Variants in SLC35F3 observed in about 807,000 individuals in gnomAD.
SLC35F3 encodes solute carrier family 35 member F3, also known as putative thiamine transporter SLC35F3.
A neutral mutation model predicts 49.9 loss-of-function variants in SLC35F3; 25 were observed. That is an observed-to-expected ratio of 0.50 (90% confidence interval 0.37 to 0.70). SLC35F3 has a LOEUF of 0.70. Among genes scored for constraint, SLC35F3 ranks in the 30% least tolerant of loss-of-function variants. The probability of loss-of-function intolerance (pLI) is 0.00; values close to 1 mark genes in which losing one functional copy is unlikely to be tolerated. For missense variants in SLC35F3, 525 were observed against 639.8 expected, an observed-to-expected ratio of 0.82 and a Z score of 1.94; for synonymous variants, 275 against 265.4, an observed-to-expected ratio of 1.04 and a Z score of -0.35.
At chr1:234,207,588 A>T (rs988959355) in intron 2 of SLC35F3, among the ~76,000 whole-genome samples, 3 of 151,504 alleles carry the variant, frequency 2.0e-5, no homozygotes, top group Admixed American at 6.6e-5. Context: ...GGCTAACAAG[A>T]CCTAGGAGAT....
chr1:233,971,820 G>A (rs1283777058), intron 2 of SLC35F3, among the ~76,000 whole-genome samples: 2 of 152,074 alleles, frequency 1.3e-5, no homozygotes, highest in African/African-American at 2.4e-5. Flanking sequence ...GCTGGGCATC[G>A]ACTGCATGAG....
At chr1:233,944,478 G>C (rs1662481114) in intron 2 of SLC35F3, among the ~76,000 whole-genome samples, 1 of 152,076 alleles carries the variant, frequency 6.6e-6, no homozygotes, top group South Asian at 2.1e-4. Context: ...TTTAGTTTTA[G>C]TTTCTGGGTC....
At chr1:234,022,513 A>C (rs1002033666) in intron 2 of SLC35F3, among the ~76,000 whole-genome samples, 15 of 152,144 alleles carry the variant, frequency 9.9e-5, no homozygotes, top group Non-Finnish European at 2.2e-4. Flanking sequence ...AGGCCCACCC[A>C]CATTATGGAA....
chr1:234,312,832 TTTG>T (rs1249141225), intron 4 of SLC35F3, among the ~76,000 whole-genome samples: 2 of 150,806 alleles, frequency 1.3e-5, no homozygotes, highest in African/African-American at 4.9e-5. Context: ...CCCGCCACGT[TTTG>T]TTGTTTGTTT....
intron 2 of SLC35F3, among the ~76,000 whole-genome samples, chr1:233,965,064 A>G (rs1425968461): frequency 2.0e-5 from 3 of 152,206 alleles, no homozygotes; most frequent in Non-Finnish European, 4.4e-5. Flanking sequence ...ATACAGGATT[A>G]GGTCTTCTAA....
intron 2 of SLC35F3, among the ~76,000 whole-genome samples, chr1:234,037,854 C>T (rs1053566733): frequency 2.0e-5 from 3 of 152,150 alleles, no homozygotes; most frequent in African/African-American, 7.2e-5. Flanking sequence ...GCCCCTTTGC[C>T]TGGTAAGAGT....
At chr1:234,179,571 C>G (rs1230277173) in intron 2 of SLC35F3, among the ~76,000 whole-genome samples, 1 of 152,210 alleles carries the variant, frequency 6.6e-6, no homozygotes, top group East Asian at 1.9e-4. Context: ...GGAACATTCA[C>G]TATCCTCCTC....
At chr1:234,266,094 ATG>A (rs1667975084) in intron 3 of SLC35F3, among the ~76,000 whole-genome samples, 1 of 152,090 alleles carries the variant, frequency 6.6e-6, no homozygotes, top group African/African-American at 2.4e-5. Context: ...TTTACTCTAT[ATG>A]TGTTTGTTTG....
In SLC35F3 at chr1:234,081,904, A is replaced by ATTTTTT. The variant is rs781469880; in HGVS notation, c.284-149486_284-149481dup. Among the ~76,000 whole-genome samples the ATTTTTT allele has an allele frequency of 1.6e-3, 62 of 39,230 alleles. 10 individuals are homozygous for ATTTTTT. The highest frequency in any genetic ancestry group is 5.8e-3 in the South Asian group (4 of 694). 25.7% of individuals were successfully genotyped at this position (39,230 alleles called of 152,430 possible). Reference sequence around the variant, plus strand: ...AGGCGCCTGCCACCATGCCTGGCTAATTTTTTTTTTTTTTTTTTTTTTTTT... The same window carrying ATTTTTT: ...AGGCGCCTGCCACCATGCCTGGCTAATTTTTTTTTTTTTTTTTTTTTTTTTTTTTTT... On this transcript the variant is annotated intron_variant, in intron 2 of 7. Coordinates refer to ENST00000366618, the MANE Select transcript of SLC35F3 (RefSeq NM_173508.4).
chr1:233,985,655 A>T (rs1037078008), intron 2 of SLC35F3, among the ~76,000 whole-genome samples: 3 of 152,232 alleles, frequency 2.0e-5, no homozygotes, highest in African/African-American at 7.2e-5. Context: ...TTTTCAGCAC[A>T]GCCTTTCAGC....
At chr1:234,116,272 A>G (rs1046327115) in intron 2 of SLC35F3, among the ~76,000 whole-genome samples, 3 of 152,176 alleles carry the variant, frequency 2.0e-5, no homozygotes, top group Admixed American at 2.0e-4. Context: ...AACTGGGGTC[A>G]AAGAGACCAA....
intron 2 of SLC35F3, among the ~76,000 whole-genome samples, chr1:234,047,698 TACAC>T (rs5781776): frequency 6.6e-6 from 1 of 151,162 alleles, no homozygotes; most frequent in African/African-American, 2.4e-5. Context: ...CACACATACA[TACAC>T]ACACACACAC....
intron 3 of SLC35F3, among the ~76,000 whole-genome samples, chr1:234,236,223 T>C (rs1161236291): frequency 6.6e-6 from 1 of 152,036 alleles, no homozygotes; most frequent in African/African-American, 2.4e-5. Flanking sequence ...GGCAGATTGA[T>C]TGAGCCCAGA....
intron 2 of SLC35F3, among the ~76,000 whole-genome samples, chr1:234,168,371 C>T (rs990720035): frequency 1.3e-5 from 2 of 152,244 alleles, no homozygotes; most frequent in East Asian, 1.9e-4. Flanking sequence ...TCACTCCATA[C>T]AGCCCAGTCA....
At chr1:234,056,354 GT>G (rs1487797232) in intron 2 of SLC35F3, among the ~76,000 whole-genome samples, 1 of 151,954 alleles carries the variant, frequency 6.6e-6, no homozygotes, top group East Asian at 1.9e-4. Context: ...CTTGAAACAT[GT>G]TTTTAATAGT....
intron 2 of SLC35F3, among the ~76,000 whole-genome samples, chr1:233,978,250 C>T (rs180905546): frequency 1.5e-4 from 23 of 152,258 alleles, no homozygotes; most frequent in East Asian, 9.7e-4. Flanking sequence ...CAGCACACCG[C>T]GCTGTTTTTG....
At chr1:234,196,598 G>A (rs1488146507) in intron 2 of SLC35F3, among the ~76,000 whole-genome samples, 1 of 152,194 alleles carries the variant, frequency 6.6e-6, no homozygotes, top group African/African-American at 2.4e-5. Flanking sequence ...ATGTAAGCCC[G>A]AGGAGGGCAG....
intron 3 of SLC35F3, among the ~76,000 whole-genome samples, chr1:234,300,591 T>C (rs1159864096): frequency 7.9e-5 from 12 of 152,254 alleles, no homozygotes; most frequent in Admixed American, 2.0e-4. Context: ...AAGCTGCTAT[T>C]ACAATAAAGT....
intron 2 of SLC35F3, among the ~76,000 whole-genome samples, chr1:234,162,557 C>T (rs2102914096): frequency 6.6e-6 from 1 of 151,994 alleles, no homozygotes; most frequent in South Asian, 2.1e-4. Flanking sequence ...TTCTCCTTGC[C>T]CCCCTCACCC....
Sources: gnomAD v4.1 joint callset for allele counts (sites outside exome capture counted in the v4.1 genomes callset) on GRCh38, gnomAD v4.1.1 for gene constraint, MANE v1.5 for transcripts, NCBI Gene and HGNC (gene_info 2026-07-23, HGNC 2026-07-21) for gene names.